AKAP8: variants seen among roughly 807,000 people sequenced by gnomAD.
AKAP8 encodes A-kinase anchoring protein 8.
In AKAP8, 24 loss-of-function variants were observed where a neutral mutation model predicts 67.5. The ratio of observed to expected loss-of-function variants is 0.36; its 90% CI spans 0.26 to 0.50. The LOEUF is 0.50. AKAP8 is among the 20% of genes least tolerant of loss of function. The probability of loss-of-function intolerance (pLI) is 0.97; values close to 1 mark genes in which losing one functional copy is unlikely to be tolerated. For synonymous variants in AKAP8, 400 were observed against 371.1 expected, an observed-to-expected ratio of 1.08 and a Z score of -0.90; for missense variants, 971 against 955.9, an observed-to-expected ratio of 1.02 and a Z score of -0.21.
At chr19:15,362,008 A>G in intron 10 of AKAP8, 102 bp downstream of exon 10, 1 of 1,506,430 alleles carries the variant, frequency 6.6e-7, no homozygotes. Context: ...GGGAAAGGAA[A>G]CCTTGGCCAA....
At position 15,368,979 on chromosome 19, in the gene AKAP8, C is replaced by T. The variant is rs987604022; in HGVS notation, c.1073-657G>A. On this transcript the variant is annotated intron_variant, in intron 8 of 13. Coordinates refer to ENST00000269701, the MANE Select transcript of AKAP8 (RefSeq NM_005858.4). ...CCCCGGGGCCAGCAGAGGAGCTCCT[C>T]GGAGAGCCACGCGGCCATCATCCCA... 17 of 985,864 alleles carry T rather than the reference C, an allele frequency of 1.7e-5. No homozygotes were observed. The African/African-American group carries it at 1.9e-4, about 11-fold the overall frequency. The allele number at this position is 985,864 out of a possible 1,614,324, so 61.1% of individuals were successfully genotyped here. A position where few individuals can be genotyped will look rare whatever the true frequency, so the allele number is the denominator to read the frequency against.
At chr19:15,356,415 A>AAAACT (rs1555752864) in intron 13 of AKAP8, among the ~76,000 whole-genome samples, 12 of 148,786 alleles carry the variant, frequency 8.1e-5, no homozygotes, top group Non-Finnish European at 1.6e-4. Context: ...TCCATCTCAA[A>AAAACT]AAAATAAAAT....
chr19:15,362,456 T>TG (rs1479622146), intron 9 of AKAP8, among the ~76,000 whole-genome samples: 1 of 149,016 alleles, frequency 6.7e-6, no homozygotes, highest in African/African-American at 2.5e-5. Flanking sequence ...GCAACCTCCC[T>TG]GCCTGATTCT....
At chr19:15,370,526 G>A (rs1967137098) in intron 7 of AKAP8, among the ~76,000 whole-genome samples, 1 of 152,042 alleles carries the variant, frequency 6.6e-6, no homozygotes, top group South Asian at 2.1e-4. Context: ...CCAACCGTAG[G>A]GAGATAGAGT....
At chr19:15,374,328 GA>G (rs1967214672) in intron 3 of AKAP8, among the ~76,000 whole-genome samples, 1 of 152,210 alleles carries the variant, frequency 6.6e-6, no homozygotes, top group African/African-American at 2.4e-5. Flanking sequence ...GGGTGACTGA[GA>G]GCCTGGGAAC....
intron 8 of AKAP8, chr19:15,368,526 C>T: frequency 2.0e-6 from 2 of 985,294 alleles, no homozygotes; most frequent in Non-Finnish European, 2.4e-6. Context: ...GGAGTAGTCA[C>T]CAAACTCCCC....
intron 9 of AKAP8, among the ~76,000 whole-genome samples, chr19:15,364,032 G>A (rs1160073738): frequency 3.9e-5 from 5 of 128,194 alleles, no homozygotes; most frequent in South Asian, 2.6e-4. Flanking sequence ...CTCCCTCTGC[G>A]AGAAACACCC....
At position 15,355,383 on chromosome 19, in the gene AKAP8, G is replaced by A. The variant is rs372519515; in HGVS notation, c.1624-13C>T. The A allele has an allele frequency of 3.5e-5, 57 of 1,605,836 alleles. No individual in the cohort carries two copies. The highest frequency in any genetic ancestry group is 1.7e-4 in the Middle Eastern group (1 of 6,060). ...AAGGGTCCTCACCCTGGCCAAAGAG[G>A]AAACACCGGTCAGCGTGGTGTAAGC... On this transcript the variant is annotated splice_polypyrimidine_tract_variant and intron_variant, in intron 13 of 13. Transcript: ENST00000269701.
intron 11 of AKAP8, 148 bp downstream of exon 11, chr19:15,361,581 T>G: frequency 1.6e-6 from 1 of 632,872 alleles, no homozygotes; most frequent in South Asian, 1.8e-5. Context: ...CTTGATCTCC[T>G]GACCTCATGA....
In AKAP8 at chr19:15,372,978, G is replaced by A. The variant is rs774386640; in HGVS notation, c.734C>T (p.Pro245Leu). Residue 245 changes from proline (P) to leucine (L), a missense_variant, in exon 5 of 14, where the codon CCG (proline) becomes CTG (leucine). Pro to Leu is a moderately conservative substitution (Grantham distance 98, BLOSUM62 -3). Transcript: ENST00000269701. ...LGGPSPSRPPPSLFSQSMAPD... is the reference protein window; with the variant it reads ...LGGPSPSRPPLSLFSQSMAPD... ...AGCCATGGACTGGGAGAAGAGGGAC[G>A]GAGGTGGCCGGCTGGGGGAGGGCCC... The A allele has an allele frequency of 2.4e-5, 37 of 1,564,172 alleles. No individual in the cohort carries two copies. In the South Asian group the frequency reaches 3.5e-4, roughly 15 times the overall value.
intron 2 of AKAP8, 127 bp from the exon 3 acceptor site, chr19:15,374,762 CA>C: frequency 9.3e-7 from 1 of 1,073,302 alleles, no homozygotes; most frequent in East Asian, 2.6e-5. Flanking sequence ...CTCAGGGAGA[CA>C]CCCTTGGGTG....
Position 15,374,011 on chromosome 19 carries a change from G to A in AKAP8, c.146C>T (p.Ala49Val), listed in dbSNP as rs1246598925. The change falls in exon 4 of 14, where the codon GCA becomes GTA. Residue 49 changes from alanine (A) to valine (V), a missense_variant. Around this residue, in one of 3 missense-constraint regions of AKAP8, gnomAD observed 763 missense variants for 745.4 expected, o/e 1.02. Transcript: ENST00000269701. ...GAQNTSVTTG[A>V]TYSYGPASWE... is the part of the protein sequence containing the mutation. Reference sequence around the variant, plus strand: ...CGAGGCTGGGCCGTAGCTGTAGGTTGCGCCTGTGGTGACACTGGTGTTCTG... The same window carrying A: ...CGAGGCTGGGCCGTAGCTGTAGGTTACGCCTGTGGTGACACTGGTGTTCTG... 2 of 1,604,240 alleles carry A rather than the reference G, an allele frequency of 1.2e-6. No individual in the cohort carries two copies. The highest frequency in any genetic ancestry group is 8.5e-7 in the Non-Finnish European group (1 of 1,176,262).
chr19:15,363,126 C>T (rs1465571481), intron 9 of AKAP8, among the ~76,000 whole-genome samples: 5 of 151,640 alleles, frequency 3.3e-5, no homozygotes, highest in East Asian at 4.0e-4. Context: ...GCCCGGCAGC[C>T]GCCCCGTCTG....
In AKAP8 at chr19:15,354,148, C is replaced by G. The variant is rs1462035596; in HGVS notation, c.*767G>C. 1 of 151,970 alleles carries G rather than the reference C, an allele frequency of 6.6e-6. No homozygotes were observed. The highest frequency in any genetic ancestry group is 1.5e-5 in the Non-Finnish European group (1 of 68,022). 9.4% of individuals were successfully genotyped at this position (151,970 alleles called of 1,614,324 possible). On this transcript the variant is annotated 3_prime_UTR_variant, in exon 14 of 14. Coordinates refer to ENST00000269701, the MANE Select transcript of AKAP8 (RefSeq NM_005858.4). ...ATAGGTATGCATCACCGTGCCTGGC[C>G]AAATTCTCTTTGTAAATACATTTGA...
chr19:15,379,388 G>A (rs1967327359), intron 1 of AKAP8: 5 of 345,232 alleles, frequency 1.4e-5, no homozygotes, highest in Non-Finnish European at 2.6e-5. Context: ...GTCGCTGGGG[G>A]CCGGAAGGAC....
rs1967190490 is a variant in AKAP8 at position 15,373,113 on chromosome 19, T to G, written c.599A>C (p.Asn200Thr). The G allele has an allele frequency of 6.2e-7, 1 of 1,612,598 alleles. No homozygotes were observed. Among genetic ancestry groups the G allele is most frequent in the East Asian group, 2.2e-5 (1 of 44,868 alleles). Reference protein sequence around the residue: ...RGQGRFQDRSNPGTFMRSDPF... With the variant: ...RGQGRFQDRSTPGTFMRSDPF... The stretch of plus-strand genomic sequence containing the variant: ...GTCGCTGCGCATGAAGGTGCCAGGG[T>G]TGCTCCGGTCCTGGAAGCGGCCCTG... Residue 200 changes from asparagine to threonine, a missense_variant, in exon 5 of 14, where the codon AAC becomes ACC. Transcript: ENST00000269701.
At chr19:15,374,215 C>A (rs558766667) in intron 3 of AKAP8, 150 bp from the exon 4 acceptor site, 502 of 1,016,348 alleles carry the variant, frequency 4.9e-4, no homozygotes, top group South Asian at 6.0e-4. Context: ...TGCACTGTGA[C>A]CTGCCAAGAG....
chr19:15,369,048 T>A lies in AKAP8; in HGVS notation c.1073-726A>T, dbSNP rs1254973483. 9.1e-6 allele frequency: 9 copies of A among 985,662 alleles called. No individual in the cohort carries two copies. Among genetic ancestry groups the A allele is most frequent in the Non-Finnish European group, 1.1e-5 (9 of 830,192 alleles). 61.1% of individuals were successfully genotyped at this position (985,662 alleles called of 1,614,324 possible). On this transcript the variant is annotated intron_variant, in intron 8 of 13. Coordinates refer to ENST00000269701, the MANE Select transcript of AKAP8 (RefSeq NM_005858.4). This position sits in a 1 kb window ranked among gnomAD's most constrained non-coding sequence, Gnocchi z 4.6. ...ACGCTGAAAAAAGGTTGGAGAAGCA[T>A]CTGAACTGTAACCCCTACCCCTGAT...
In AKAP8 at chr19:15,373,194, C is replaced by T. The variant is rs2145083749; in HGVS notation, c.518G>A (p.Cys173Tyr). The T allele has an allele frequency of 6.2e-7, 1 of 1,613,804 alleles. No individual in the cohort carries two copies. Among genetic ancestry groups the T allele is most frequent in the Non-Finnish European group, 8.5e-7 (1 of 1,180,024 alleles). Residue 173 changes from cysteine (C) to tyrosine (Y), a missense_variant, in exon 5 of 14, where the codon TGC becomes TAC. Cys to Tyr is a radical substitution (Grantham distance 194). This residue lies in a region of AKAP8 where 763 missense variants were observed against 745.4 expected (regional missense o/e 1.02). Transcript: ENST00000269701. ...NGSFGGQYSE[C>Y]RDPARERGSL... ...GCCCCGCTCCCGGGCTGGGTCTCGG[C>T]ATTCACTGTACTGCCCCCCAAAGCT...
Sources: allele counts gnomAD v4.1 joint callset (sites outside exome capture counted in the v4.1 genomes callset), GRCh38; gene constraint gnomAD v4.1.1; regional missense constraint gnomAD v4.1.1; non-coding constraint Gnocchi (gnomAD v3.1); transcripts MANE v1.5; gene names NCBI Gene and HGNC (gene_info 2026-07-23, HGNC 2026-07-21).